FAM120B: variants seen among roughly 807,000 people sequenced by gnomAD.
FAM120B encodes the protein family with sequence similarity 120 member B, also known as constitutive coactivator of peroxisome proliferator-activated receptor gamma.
In FAM120B, 83 loss-of-function variants were observed where a neutral mutation model predicts 96.3. The ratio of observed to expected loss-of-function variants is 0.86; its 90% CI spans 0.72 to 1.03. The LOEUF is 1.03. Ranked by LOEUF, FAM120B falls within the 50% of genes least tolerant of loss-of-function variation. The pLI, the probability that FAM120B is intolerant of heterozygous loss-of-function variation, is 0.00. For missense variants in FAM120B, 1,027 were observed against 1,121.2 expected, an observed-to-expected ratio of 0.92 and a Z score of 1.20; for synonymous variants, 407 against 402.7, an observed-to-expected ratio of 1.01 and a Z score of -0.13.
rs1269086566 is a variant in FAM120B at position 170,406,984 on chromosome 6, G to A, written c.*2233G>A. The A allele has an allele frequency of 6.6e-6, 1 of 152,146 alleles. No individual in the cohort carries two copies. The highest frequency in any genetic ancestry group is 6.5e-5 in the Admixed American group (1 of 15,270). The allele number at this position is 152,146 out of a possible 1,614,324, so 9.4% of individuals were successfully genotyped here. A position where few individuals can be genotyped will look rare whatever the true frequency, so the allele number is the denominator to read the frequency against. The stretch of plus-strand genomic sequence containing the variant: ...AATTTTTTGTCATTCTAAGTTGTAA[G>A]TAACACTGCAGTCAAGTCTTCTGAT... On this transcript the variant is annotated 3_prime_UTR_variant, in exon 11 of 11. Transcript: ENST00000476287.
At chr6:170,325,219 T>C (rs1395520022) in intron 3 of FAM120B, among the ~76,000 whole-genome samples, 1 of 152,230 alleles carries the variant, frequency 6.6e-6, no homozygotes, top group Admixed American at 6.5e-5. Flanking sequence ...GTCTTTGTTT[T>C]ATTGTAATAT....
At chr6:170,326,055 C>CAT (rs1028144255) in intron 3 of FAM120B, among the ~76,000 whole-genome samples, 9 of 151,786 alleles carry the variant, frequency 5.9e-5, no homozygotes, top group Admixed American at 2.6e-4. Flanking sequence ...ATGTCTTGTA[C>CAT]ATATATATAT....
chr6:170,361,206 A>ACGTG (rs1554286388), intron 6 of FAM120B, among the ~76,000 whole-genome samples: 5 of 81,106 alleles, frequency 6.2e-5, no homozygotes, highest in African/African-American at 9.2e-5. Context: ...GTGTATATAT[A>ACGTG]TATATATATA....
At chr6:170,327,943 G>A (rs891454645) in intron 3 of FAM120B, among the ~76,000 whole-genome samples, 3 of 152,160 alleles carry the variant, frequency 2.0e-5, no homozygotes, top group African/African-American at 2.4e-5. Context: ...TCCGGTGAGC[G>A]AGTGGGAAGT....
intron 3 of FAM120B, among the ~76,000 whole-genome samples, chr6:170,328,854 G>A (rs1341416327): frequency 6.6e-6 from 1 of 152,166 alleles, no homozygotes; most frequent in Non-Finnish European, 1.5e-5. Flanking sequence ...GTAGAGTTTA[G>A]TTCTGTCAGA....
chr6:170,397,993 C>T (rs1036186080), intron 9 of FAM120B, among the ~76,000 whole-genome samples: 17 of 152,338 alleles, frequency 1.1e-4, no homozygotes, highest in African/African-American at 3.6e-4. Context: ...CTTGGGGTTG[C>T]CCCCTTTCTT....
At chr6:170,385,572 A>C (rs2144246) in intron 6 of FAM120B, among the ~76,000 whole-genome samples, 132,983 of 152,146 alleles carry the variant, frequency 0.87, 58,301 homozygotes, top group East Asian at 0.94. Context: ...CAAAGTGGTG[A>C]AGCCACTCTG....
At position 170,347,125 on chromosome 6, in the gene FAM120B, TAAGAA is replaced by T. The variant is rs1297838476; in HGVS notation, c.2018-1019_2018-1015del. On this transcript the variant is annotated intron_variant, in intron 4 of 10. Transcript: ENST00000476287. ...GTAGTCAGTGCTATCGTGGGAAACA[TAAGAA>T]AAGAAAGAGAAGAATTTCCTTTTTT... is the stretch of plus-strand genomic sequence containing the variant. 7.9e-5 allele frequency among the ~76,000 whole-genome samples: 12 copies of T among 152,294 alleles called. No individual in the cohort carries two copies. In the East Asian group the frequency reaches 1.3e-3, roughly 17 times the overall value.
chr6:170,327,821 G>A (rs571769519), intron 3 of FAM120B, among the ~76,000 whole-genome samples: 338 of 150,854 alleles, frequency 2.2e-3, no homozygotes, highest in African/African-American at 7.7e-3. Flanking sequence ...CACTGCACAC[G>A]CAGGCTGCTC....
chr6:170,350,399 C>T (rs532771884), intron 5 of FAM120B, among the ~76,000 whole-genome samples: 229 of 152,298 alleles, frequency 1.5e-3, no homozygotes, highest in African/African-American at 5.1e-3. Context: ...ACAGGCAGTC[C>T]GGATGAGGGA....
At chr6:170,313,889 G>A (rs1485359929) in intron 1 of FAM120B, among the ~76,000 whole-genome samples, 1 of 152,222 alleles carries the variant, frequency 6.6e-6, no homozygotes, top group Admixed American at 6.5e-5. Context: ...GCTGCTGTCC[G>A]TGTGGGGAGT....
chr6:170,323,910 A>G (rs549864607), intron 3 of FAM120B, among the ~76,000 whole-genome samples: 7 of 152,220 alleles, frequency 4.6e-5, no homozygotes, highest in Non-Finnish European at 7.3e-5. Flanking sequence ...AACACTTCAT[A>G]TCAGAAACCA....
At chr6:170,379,932 G>T (rs183091450) in intron 6 of FAM120B, among the ~76,000 whole-genome samples, 1 of 152,110 alleles carries the variant, frequency 6.6e-6, no homozygotes, top group Non-Finnish European at 1.5e-5. Flanking sequence ...TCTAGTCCTC[G>T]TGCCATGCAT....
At chr6:170,387,606 G>C (rs1310786823) in intron 6 of FAM120B, among the ~76,000 whole-genome samples, 2 of 152,154 alleles carry the variant, frequency 1.3e-5, no homozygotes, top group Non-Finnish European at 2.9e-5. Flanking sequence ...CAGAATGTTG[G>C]ACATCAAGGT....
At chr6:170,329,696 T>C (rs936046313) in intron 3 of FAM120B, among the ~76,000 whole-genome samples, 1 of 152,100 alleles carries the variant, frequency 6.6e-6, no homozygotes, top group East Asian at 1.9e-4. Flanking sequence ...GAAATGCAGG[T>C]GGGGCTTCCT....
intron 1 of FAM120B, among the ~76,000 whole-genome samples, chr6:170,296,523 C>A (rs1395514320): frequency 1.3e-5 from 2 of 151,798 alleles, no homozygotes; most frequent in Admixed American, 1.3e-4. Context: ...CGCGCCCGGC[C>A]GCCGCCTCGT....
chr6:170,353,801 G>A (rs572574758), intron 5 of FAM120B, among the ~76,000 whole-genome samples: 2 of 152,328 alleles, frequency 1.3e-5, no homozygotes, highest in South Asian at 4.1e-4. Context: ...ACCATTCCAT[G>A]CTCATGGATA....
intron 9 of FAM120B, among the ~76,000 whole-genome samples, chr6:170,398,549 T>A (rs1414326498): frequency 7.4e-6 from 1 of 135,950 alleles, no homozygotes; most frequent in African/African-American, 3.0e-5. Flanking sequence ...TAGGAGTGAG[T>A]GAGAAAGGTA....
intron 1 of FAM120B, among the ~76,000 whole-genome samples, chr6:170,312,830 C>T (rs1784668580): frequency 6.6e-6 from 1 of 152,146 alleles, no homozygotes; most frequent in Non-Finnish European, 1.5e-5. Flanking sequence ...GATTTACAAC[C>T]AAGGAGCAGA....
Sources: gnomAD v4.1 joint callset for allele counts (sites outside exome capture counted in the v4.1 genomes callset) on GRCh38, gnomAD v4.1.1 for gene constraint, MANE v1.5 for transcripts, NCBI Gene and HGNC (gene_info 2026-07-23, HGNC 2026-07-21) for gene names.